Variants in ZEB1 observed in about 807,000 individuals in gnomAD.
ZEB1 encodes zinc finger E-box-binding homeobox 1.
In ZEB1, 21 loss-of-function variants were observed where a neutral mutation model predicts 84.9. The observed-to-expected ratio is 0.25, with a 90% CI of 0.18 to 0.36. ZEB1 has a LOEUF of 0.36. Ranked by LOEUF, ZEB1 falls within the 10% of genes least tolerant of loss-of-function variation. The pLI is 1.00. For synonymous variants in ZEB1, 420 were observed against 471.1 expected (o/e 0.89, Z 1.41); for missense variants, 1,104 against 1,330.2 (o/e 0.83, Z 2.65).
At chr10:31,362,791 G>A (rs1444483916) in intron 1 of ZEB1, 1 of 720,304 alleles carries the variant, frequency 1.4e-6, no homozygotes, top group Non-Finnish European at 2.4e-6. Flanking sequence ...GCCTCCCAAA[G>A]TGCTGGATTA....
intron 2 of ZEB1, among the ~76,000 whole-genome samples, chr10:31,477,665 A>G (rs2064422191): frequency 6.6e-6 from 1 of 152,084 alleles, no homozygotes; most frequent in Admixed American, 6.6e-5. Flanking sequence ...AAAGATGGAC[A>G]CATAGATCAG....
chr10:31,321,896 GC>G (rs1227763289), intron 1 of ZEB1: 1 of 267,154 alleles, frequency 3.7e-6, no homozygotes, highest in Admixed American at 4.8e-5. Flanking sequence ...ATGTATGTCA[GC>G]CCCCTCCTGT....
chr10:31,414,348 T>G (rs770002299), intron 1 of ZEB1, among the ~76,000 whole-genome samples: 1 of 152,188 alleles, frequency 6.6e-6, no homozygotes, highest in Non-Finnish European at 1.5e-5. Context: ...TTTGCCAAAA[T>G]TTTTGGTTTG....
At chr10:31,453,849 A>C (rs528181803) in intron 1 of ZEB1, among the ~76,000 whole-genome samples, 59 of 152,228 alleles carry the variant, frequency 3.9e-4, no homozygotes, top group Non-Finnish European at 7.1e-4. Flanking sequence ...AGCTGGTACC[A>C]TTCCTTCTGA....
chr10:31,510,684 G>A lies in ZEB1; in HGVS notation c.496G>A (p.Ala166Thr). 1 of 1,613,160 alleles carries A rather than the reference G, an allele frequency of 6.2e-7. No individual in the cohort carries two copies. The highest frequency in any genetic ancestry group is 8.5e-7 in the Non-Finnish European group (1 of 1,179,340). ...SGHDENGTPD[A>T]FSQLLTCPYC... Reference sequence around the variant, plus strand: ...TCTTTCTTTTACAGGAACACCAGATGCATTTTCACAATTACTCACCTGTCC... The same window carrying A: ...TCTTTCTTTTACAGGAACACCAGATACATTTTCACAATTACTCACCTGTCC... The change falls in exon 5 of 9, where the codon GCA becomes ACA. Residue 166 changes from alanine (A) to threonine (T), a missense_variant. Ala to Thr is a moderately conservative substitution (Grantham distance 58). Transcript: ENST00000424869.
chr10:31,397,813 C>CT (rs1321363901), intron 1 of ZEB1, among the ~76,000 whole-genome samples: 4 of 152,056 alleles, frequency 2.6e-5, no homozygotes, highest in African/African-American at 9.7e-5. Context: ...CTAACTGGCC[C>CT]TTTTTTTAAA....
At chr10:31,347,762 T>C (rs878944034) in intron 1 of ZEB1, among the ~76,000 whole-genome samples, 4 of 152,180 alleles carry the variant, frequency 2.6e-5, no homozygotes, top group Non-Finnish European at 5.9e-5. Flanking sequence ...GGAATAATTA[T>C]ATATGAAGCT....
chr10:31,338,377 C>T (rs1404953399), intron 1 of ZEB1, among the ~76,000 whole-genome samples: 1 of 152,108 alleles, frequency 6.6e-6, no homozygotes, highest in Non-Finnish European at 1.5e-5. Context: ...TAAAGGGAAA[C>T]TGAGGCACGG....
chr10:31,460,933 T>C, intron 1 of ZEB1, 104 bp from the exon 2 acceptor site: 2 of 926,154 alleles, frequency 2.2e-6, no homozygotes, highest in South Asian at 2.9e-5. Flanking sequence ...AAAGAAAACA[T>C]TGAATTACAA....
At chr10:31,422,368 G>C (rs1445755817) in intron 1 of ZEB1, among the ~76,000 whole-genome samples, 2 of 152,106 alleles carry the variant, frequency 1.3e-5, no homozygotes, top group East Asian at 3.9e-4. Context: ...AAATGTTCAG[G>C]AATCTTCATA....
At chr10:31,412,924 A>T (rs1257641098) in intron 1 of ZEB1, among the ~76,000 whole-genome samples, 1 of 152,214 alleles carries the variant, frequency 6.6e-6, no homozygotes, top group Admixed American at 6.5e-5. Context: ...CCCTATATAA[A>T]GCCAGCTGAC....
At chr10:31,385,796 A>T (rs942378851) in intron 1 of ZEB1, among the ~76,000 whole-genome samples, 10 of 152,036 alleles carry the variant, frequency 6.6e-5, no homozygotes, top group South Asian at 2.1e-4. Flanking sequence ...AAAGTGCTGG[A>T]ATTACAGGCA....
intron 8 of ZEB1, among the ~76,000 whole-genome samples, chr10:31,525,586 A>T (rs1592134657): frequency 6.6e-6 from 1 of 152,062 alleles, no homozygotes; most frequent in East Asian, 1.9e-4. Flanking sequence ...TTAATCCCCT[A>T]CCTGCTCTTC....
intron 2 of ZEB1, among the ~76,000 whole-genome samples, chr10:31,493,298 C>CT (rs1237588778): frequency 1.3e-5 from 2 of 151,804 alleles, no homozygotes; most frequent in African/African-American, 4.8e-5. Flanking sequence ...ATAGTTTGTT[C>CT]TTTTTTATTG....
At chr10:31,459,709 C>G (rs2061606615) in intron 1 of ZEB1, among the ~76,000 whole-genome samples, 1 of 151,974 alleles carries the variant, frequency 6.6e-6, no homozygotes, top group African/African-American at 2.4e-5. Flanking sequence ...ACCTCTGGTA[C>G]TCTTTTGGAC....
intron 1 of ZEB1, among the ~76,000 whole-genome samples, chr10:31,423,060 ATATATATAAATG>A (rs1436286103): frequency 6.6e-6 from 1 of 151,962 alleles, no homozygotes; most frequent in Non-Finnish European, 1.5e-5. Context: ...ATATACATGT[ATATATATAAATG>A]TATATATAAA....
intron 1 of ZEB1, among the ~76,000 whole-genome samples, chr10:31,410,576 A>G (rs1190385036): frequency 3.9e-5 from 6 of 152,168 alleles, no homozygotes; most frequent in African/African-American, 2.4e-5. Context: ...TTCAGAAGGA[A>G]TGGTAGCAGC....
intron 5 of ZEB1, 141 bp downstream of exon 5, chr10:31,511,016 A>G (rs2069886765): frequency 1.2e-6 from 1 of 833,840 alleles, no homozygotes; most frequent in Non-Finnish European, 1.9e-6. Context: ...AAAAGTGAAA[A>G]TGATTATTTA....
At chr10:31,526,431 A>T (rs918309340) in intron 8 of ZEB1, among the ~76,000 whole-genome samples, 2 of 152,110 alleles carry the variant, frequency 1.3e-5, no homozygotes, top group African/African-American at 4.8e-5. Flanking sequence ...TGGCATTTCA[A>T]TGTCATGTAG....
Sources: allele counts gnomAD v4.1 joint callset (sites outside exome capture counted in the v4.1 genomes callset), GRCh38; gene constraint gnomAD v4.1.1; transcripts MANE v1.5; gene names NCBI Gene and HGNC (gene_info 2026-07-23, HGNC 2026-07-21).